TRPM3: variants seen among roughly 807,000 people sequenced by gnomAD.
TRPM3 encodes long transient receptor potential channel 3.
In TRPM3, 77 loss-of-function variants were observed where a neutral mutation model predicts 181.2. That is an observed-to-expected ratio of 0.42 (90% CI 0.35 to 0.51). The LOEUF is 0.51. Among genes scored for constraint, TRPM3 ranks in the 20% least tolerant of loss-of-function variants. The pLI is 0.01. For synonymous variants in TRPM3, 745 were observed against 796.4 expected, an observed-to-expected ratio of 0.94 and a Z score of 1.09; for missense variants, 1,759 against 2,196.7, an observed-to-expected ratio of 0.80 and a Z score of 3.98.
intron 9 of TRPM3, among the ~76,000 whole-genome samples, chr9:70,676,624 C>T (rs545823383): frequency 6.6e-5 from 10 of 152,232 alleles, no homozygotes; most frequent in East Asian, 5.8e-4. Context: ...GAGGGGTTAG[C>T]GGACCTCCCT....
chr9:70,976,652 C>A (rs1280479869), intron 1 of TRPM3, among the ~76,000 whole-genome samples: 2 of 152,206 alleles, frequency 1.3e-5, no homozygotes, highest in Non-Finnish European at 2.9e-5. Flanking sequence ...GAGAGCCAGA[C>A]CGCCTACAGG....
chr9:70,850,045 C>G (rs2095162489), intron 3 of TRPM3, among the ~76,000 whole-genome samples: 1 of 152,050 alleles, frequency 6.6e-6, no homozygotes, highest in African/African-American at 2.4e-5. Flanking sequence ...GCCAGAAATC[C>G]AAAGTGTTGG....
intron 25 of TRPM3, among the ~76,000 whole-genome samples, chr9:70,541,867 A>C (rs1474312275): frequency 6.6e-6 from 1 of 152,184 alleles, no homozygotes; most frequent in African/African-American, 2.4e-5. Context: ...TCACACCTGT[A>C]ATCCCAGGAC....
chr9:71,094,913 G>A (rs1369088993), intron 1 of TRPM3, among the ~76,000 whole-genome samples: 2 of 152,056 alleles, frequency 1.3e-5, no homozygotes, highest in Non-Finnish European at 2.9e-5. Context: ...ATACAGTTAG[G>A]GTTTACAGCA....
chr9:70,996,937 A>G (rs925226739), intron 1 of TRPM3, among the ~76,000 whole-genome samples: 30 of 152,192 alleles, frequency 2.0e-4, no homozygotes, highest in African/African-American at 7.0e-4. Flanking sequence ...GCAAACTTCT[A>G]AACAAACATG....
intron 1 of TRPM3, among the ~76,000 whole-genome samples, chr9:70,975,802 T>G (rs976842469): frequency 2.0e-5 from 3 of 152,214 alleles, no homozygotes; most frequent in African/African-American, 7.2e-5. Flanking sequence ...TGGAATAAAA[T>G]GTCAAGTCTG....
At chr9:71,067,490 TA>T (rs2062081322) in intron 1 of TRPM3, among the ~76,000 whole-genome samples, 1 of 152,228 alleles carries the variant, frequency 6.6e-6, no homozygotes, top group Non-Finnish European at 1.5e-5. Context: ...GAATATGGGC[TA>T]TGCAGCCAGA....
intron 1 of TRPM3, among the ~76,000 whole-genome samples, chr9:70,975,586 A>C (rs577657528): frequency 6.6e-6 from 1 of 152,318 alleles, no homozygotes; most frequent in African/African-American, 2.4e-5. Flanking sequence ...AAGCCCTTAA[A>C]CCTTGGGAAC....
chr9:71,192,365 G>A (rs1389544947), intron 1 of TRPM3, among the ~76,000 whole-genome samples: 1 of 151,760 alleles, frequency 6.6e-6, no homozygotes, highest in Non-Finnish European at 1.5e-5. Context: ...CCAGATTAAG[G>A]ACACTAATAA....
At chr9:70,609,547 T>C (rs1445357189) in intron 19 of TRPM3, among the ~76,000 whole-genome samples, 1 of 152,234 alleles carries the variant, frequency 6.6e-6, no homozygotes, top group Admixed American at 6.5e-5. Flanking sequence ...ATTGTCATAC[T>C]TGGGGGATGA....
At chr9:70,785,958 G>A (rs1306332019) in intron 6 of TRPM3, among the ~76,000 whole-genome samples, 1 of 152,090 alleles carries the variant, frequency 6.6e-6, no homozygotes, top group Non-Finnish European at 1.5e-5. Flanking sequence ...GGACCCATTC[G>A]TTTTCTGTGG....
chr9:70,566,872 C>T (rs146547066), intron 22 of TRPM3, among the ~76,000 whole-genome samples: 61 of 152,318 alleles, frequency 4.0e-4, no homozygotes, highest in African/African-American at 1.3e-3. Flanking sequence ...CACCCACATA[C>T]ACAGCTGCCC....
At chr9:70,575,656 G>A (rs2053741943) in intron 22 of TRPM3, among the ~76,000 whole-genome samples, 1 of 152,160 alleles carries the variant, frequency 6.6e-6, no homozygotes, top group African/African-American at 2.4e-5. Flanking sequence ...TCTGGGCTGT[G>A]TTCTTGTGTG....
intron 1 of TRPM3, among the ~76,000 whole-genome samples, chr9:71,318,118 A>C (rs984179220): frequency 6.6e-6 from 1 of 152,176 alleles, no homozygotes; most frequent in South Asian, 2.1e-4. Context: ...AGTGGGGAAA[A>C]AAATAAAGCT....
intron 1 of TRPM3, among the ~76,000 whole-genome samples, chr9:71,036,866 G>T (rs1213432300): frequency 1.3e-5 from 2 of 152,122 alleles, no homozygotes; most frequent in African/African-American, 4.8e-5. Context: ...ACTCAAATAT[G>T]AGTAAAAACA....
intron 1 of TRPM3, among the ~76,000 whole-genome samples, chr9:71,209,806 A>G (rs1017502285): frequency 3.3e-5 from 5 of 152,260 alleles, no homozygotes; most frequent in Non-Finnish European, 7.3e-5. Flanking sequence ...ATGACCGTCA[A>G]TAAAGTTTTA....
At chr9:71,301,999 T>C (rs1238463290) in intron 1 of TRPM3, among the ~76,000 whole-genome samples, 1 of 152,186 alleles carries the variant, frequency 6.6e-6, no homozygotes, top group Non-Finnish European at 1.5e-5. Context: ...TTTGTGTTTA[T>C]GCCCCTCTTT....
At chr9:71,394,098 TA>T (rs1287047921) in intron 1 of TRPM3, among the ~76,000 whole-genome samples, 1 of 152,166 alleles carries the variant, frequency 6.6e-6, no homozygotes, top group African/African-American at 2.4e-5. Context: ...GAAACACTGC[TA>T]AAACACCAGA....
At position 70,638,014 on chromosome 9, in the gene TRPM3, A is replaced by C. The variant is rs186318858; in HGVS notation, c.1581+1046T>G. On this transcript the variant is annotated intron_variant, in intron 11 of 25. Transcript: ENST00000677713. ...CAGAACTTAAAGTATAATAATAATC[A>C]CAATAATAATAATAGAAAAGAAGTG... is the stretch of plus-strand genomic sequence containing the variant. 1.9e-3 allele frequency among the ~76,000 whole-genome samples: 286 copies of C among 152,220 alleles called. 3 individuals are homozygous for C. The highest frequency in any genetic ancestry group is 1.3e-3 in the Non-Finnish European group (91 of 68,016).
Sources: gnomAD v4.1 joint callset for allele counts (sites outside exome capture counted in the v4.1 genomes callset) on GRCh38, gnomAD v4.1.1 for gene constraint, MANE v1.5 for transcripts, NCBI Gene and HGNC (gene_info 2026-07-23, HGNC 2026-07-21) for gene names.